The following CUX1 variants were observed in gnomAD, a reference collection of about 807,000 sequenced individuals.
CUX1 encodes protein CASP.
CUX1 carries 31 observed loss-of-function variants against 158.8 expected under a neutral mutation model. The observed-to-expected ratio is 0.20, with a 90% CI of 0.15 to 0.26. CUX1 has a LOEUF of 0.26. CUX1 is among the 10% of genes least tolerant of loss of function. The probability of loss-of-function intolerance (pLI) is 1.00; values close to 1 mark genes in which losing one functional copy is unlikely to be tolerated. For synonymous variants in CUX1, 879 were observed against 862.1 expected (o/e 1.02, Z -0.34); for missense variants, 1,589 against 2,014.6 (o/e 0.79, Z 4.04).
intron 11 of CUX1, among the ~76,000 whole-genome samples, chr7:102,187,199 T>C (rs1793720758): frequency 6.6e-6 from 1 of 152,052 alleles, no homozygotes; most frequent in Admixed American, 6.5e-5. Context: ...TAATGGGACT[T>C]AGCAGTGCTA....
At chr7:102,119,311 G>A (rs1482242425) in intron 8 of CUX1, among the ~76,000 whole-genome samples, 7 of 152,106 alleles carry the variant, frequency 4.6e-5, no homozygotes, top group Non-Finnish European at 1.0e-4. Context: ...AGAGAAGCCC[G>A]CAGGTCTGTG....
chr7:102,219,034 C>G (rs1450761087), intron 20 of CUX1, among the ~76,000 whole-genome samples: 1 of 145,508 alleles, frequency 6.9e-6, no homozygotes, highest in Non-Finnish European at 1.5e-5. Context: ...ACCTGGACAA[C>G]AGATCAAGAC....
intron 8 of CUX1, among the ~76,000 whole-genome samples, chr7:102,156,084 T>C (rs1406956249): frequency 6.6e-6 from 1 of 152,222 alleles, no homozygotes; most frequent in Non-Finnish European, 1.5e-5. Flanking sequence ...CTATTCAGGC[T>C]GCTGGGAGTT....
chr7:102,277,999 C>T (rs781940709), exon 18 of CUX1: 1 of 1,605,272 alleles, frequency 6.2e-7, no homozygotes, highest in Admixed American at 1.7e-5. Flanking sequence ...GTGAGCTGGA[C>T]AGCCTGCGCG....
chr7:102,277,932 T>TGCATG, intron 17 of CUX1: 1 of 1,150,374 alleles, frequency 8.7e-7, no homozygotes, highest in Non-Finnish European at 1.2e-6. Context: ...CCCCTTTCCT[T>TGCATG]GCCCCTCCCC....
chr7:101,825,726 TA>T (rs1793177221), intron 1 of CUX1, among the ~76,000 whole-genome samples: 1 of 151,058 alleles, frequency 6.6e-6, no homozygotes, highest in Non-Finnish European at 1.5e-5. Flanking sequence ...GCTGTCATCT[TA>T]AAACGCCCTG....
At chr7:102,115,352 G>T (rs1831330604) in intron 8 of CUX1, 79 bp downstream of exon 8, 3 of 1,231,148 alleles carry the variant, frequency 2.4e-6, no homozygotes, top group African/African-American at 3.0e-5. Flanking sequence ...GATCGAGAAG[G>T]TTCTTGACCT....
chr7:102,178,472 C>T lies in CUX1; in HGVS notation c.832C>T (p.Gln278Ter). 6.3e-7 allele frequency: 1 copy of T among 1,592,046 alleles called. No homozygotes were observed. Among genetic ancestry groups the T allele is most frequent in the Non-Finnish European group, 8.6e-7 (1 of 1,163,036 alleles). ...TCATCTCTTTTCTCCTCCCCAGGAG[C>T]AGGCCATAGAGGTGCTGACCCGCTC... ...SQIQKAPDVE[Q>*]AIEVLTRSSL... The change falls in exon 11 of 24, where the codon CAG (glutamine) becomes TAG (stop). Residue 278 changes from glutamine to a stop codon, truncating the protein, a stop_gained. Transcript: ENST00000292535. LOFTEE classifies it high-confidence loss of function.
At chr7:101,842,063 C>T (rs1274982501) in intron 1 of CUX1, among the ~76,000 whole-genome samples, 3 of 151,978 alleles carry the variant, frequency 2.0e-5, no homozygotes, top group African/African-American at 7.2e-5. Flanking sequence ...TTATTTAATA[C>T]TGTATATTTT....
At chr7:102,041,136 A>G (rs1822026797) in intron 3 of CUX1, among the ~76,000 whole-genome samples, 1 of 151,778 alleles carries the variant, frequency 6.6e-6, no homozygotes, top group Admixed American at 6.6e-5. Flanking sequence ...AAAATACAAA[A>G]AAAAAACAAA....
intron 4 of CUX1, among the ~76,000 whole-genome samples, chr7:102,081,264 C>A (rs1194927358): frequency 6.7e-6 from 1 of 148,410 alleles, no homozygotes; most frequent in Admixed American, 6.7e-5. Flanking sequence ...TTTCCCCCCA[C>A]GTGCTCCCAA....
rs1432751687 is a variant in CUX1 at position 101,984,592 on chromosome 7, G to A, written c.142-43506G>A. 4.0e-5 allele frequency among the ~76,000 whole-genome samples: 6 copies of A among 151,646 alleles called. No homozygotes were observed. The South Asian group carries it at 6.2e-4, about 16-fold the overall frequency. On this transcript the variant is annotated intron_variant, in intron 2 of 23. Coordinates refer to ENST00000292535, the MANE Select transcript of CUX1 (RefSeq NM_181552.4). ...AAGTCCTGCAGGACTGAGCTCTGAA[G>A]GCCACCCACACCCTGGGTTGTGCTT...
At chr7:101,884,936 C>T (rs1166279913) in intron 1 of CUX1, among the ~76,000 whole-genome samples, 1 of 152,150 alleles carries the variant, frequency 6.6e-6, no homozygotes, top group Non-Finnish European at 1.5e-5. Flanking sequence ...GACTGCAGGC[C>T]TCGACTGTGA....
At chr7:102,152,057 A>G (rs1835751044) in intron 8 of CUX1, among the ~76,000 whole-genome samples, 1 of 152,130 alleles carries the variant, frequency 6.6e-6, no homozygotes, top group Non-Finnish European at 1.5e-5. Flanking sequence ...CAAAAAAGAA[A>G]AAACTAGCTA....
chr7:101,834,666 G>A (rs1048778894), intron 1 of CUX1, among the ~76,000 whole-genome samples: 7 of 152,140 alleles, frequency 4.6e-5, no homozygotes, highest in African/African-American at 7.2e-5. Flanking sequence ...CCTCCGTCCC[G>A]TAACTTTTTT....
intron 17 of CUX1, among the ~76,000 whole-genome samples, chr7:102,200,480 C>T (rs1002692787): frequency 3.3e-5 from 5 of 152,044 alleles, no homozygotes; most frequent in African/African-American, 1.2e-4. Flanking sequence ...GTAGCTGGGA[C>T]TATAGACATG....
intron 2 of CUX1, among the ~76,000 whole-genome samples, chr7:101,970,544 C>A (rs1222783858): frequency 6.6e-6 from 1 of 152,096 alleles, no homozygotes; most frequent in Non-Finnish European, 1.5e-5. Flanking sequence ...CCAGACCTTC[C>A]CATGTCTTTC....
At chr7:102,176,196 A>ACCC (rs1332375296) in intron 10 of CUX1, among the ~76,000 whole-genome samples, 3 of 152,184 alleles carry the variant, frequency 2.0e-5, no homozygotes, top group Non-Finnish European at 2.9e-5. Context: ...TAAAGGCCTC[A>ACCC]TTTTCCCCGA....
intron 14 of CUX1, among the ~76,000 whole-genome samples, chr7:102,266,067 G>A (rs1243572027): frequency 1.3e-5 from 2 of 151,952 alleles, no homozygotes; most frequent in African/African-American, 4.8e-5. Flanking sequence ...AGCCAGGCGT[G>A]GTGGTTCATG....
Sources: gnomAD v4.1 joint callset for allele counts (sites outside exome capture counted in the v4.1 genomes callset) on GRCh38, gnomAD v4.1.1 for gene constraint, MANE v1.5 for transcripts, NCBI Gene and HGNC (gene_info 2026-07-23, HGNC 2026-07-21) for gene names.